Variants in CALN1 observed in about 807,000 individuals in gnomAD.
The protein encoded by CALN1 is calneuron 1.
A neutral mutation model predicts 30.6 loss-of-function variants in CALN1; 17 were observed. The ratio of observed to expected loss-of-function variants is 0.56; its 90% CI spans 0.38 to 0.83. CALN1 has a LOEUF of 0.83. CALN1 is among the 40% of genes least tolerant of loss of function. The probability of loss-of-function intolerance (pLI) is 0.00; values close to 1 mark genes in which losing one functional copy is unlikely to be tolerated. For missense variants in CALN1, 291 were observed against 354.9 expected (o/e 0.82, Z 1.45); for synonymous variants, 156 against 131.4 (o/e 1.19, Z -1.28).
At chr7:71,998,089 T>G (rs1343377423) in intron 5 of CALN1, among the ~76,000 whole-genome samples, 1 of 152,094 alleles carries the variant, frequency 6.6e-6, no homozygotes, top group Non-Finnish European at 1.5e-5. Context: ...CCTCCCAAAG[T>G]GCTGGGATTA....
chr7:72,323,739 C>A lies in CALN1; in HGVS notation c.120-44929G>T, dbSNP rs1329050256. 2.0e-5 allele frequency among the ~76,000 whole-genome samples: 3 copies of A among 151,800 alleles called. No individual in the cohort carries two copies. In the South Asian group the frequency reaches 6.3e-4, roughly 32 times the overall value. ...AAAAAAGAGTTGCCTTCCCCAAACT[C>A]AACGATCATAATTTGCAGTTTAGGC... is the stretch of plus-strand genomic sequence containing the variant. On this transcript the variant is annotated intron_variant, in intron 2 of 6. Transcript: ENST00000395275.
intron 3 of CALN1, among the ~76,000 whole-genome samples, chr7:72,170,095 C>A (rs375744485): frequency 6.6e-6 from 1 of 152,182 alleles, no homozygotes; most frequent in African/African-American, 2.4e-5. Flanking sequence ...AACACCTAGG[C>A]TCAAGCAATC....
intron 4 of CALN1, among the ~76,000 whole-genome samples, chr7:72,052,460 G>A (rs149660502): frequency 6.6e-4 from 87 of 132,596 alleles, no homozygotes; most frequent in Non-Finnish European, 1.1e-3. Context: ...TCAGGCTTGG[G>A]GGTGATGGTC....
chr7:71,867,668 C>T (rs1397421109), intron 5 of CALN1, among the ~76,000 whole-genome samples: 4 of 152,122 alleles, frequency 2.6e-5, no homozygotes, highest in African/African-American at 7.2e-5. Context: ...CTTTCGACCT[C>T]GTGATCTGCC....
At chr7:72,385,062 A>G (rs775230814) in intron 2 of CALN1, among the ~76,000 whole-genome samples, 1 of 152,252 alleles carries the variant, frequency 6.6e-6, no homozygotes, top group Non-Finnish European at 1.5e-5. Flanking sequence ...AAGATGCTCA[A>G]CAGCGCTCGT....
chr7:71,994,048 C>T (rs182696366), intron 5 of CALN1, among the ~76,000 whole-genome samples: 1 of 151,922 alleles, frequency 6.6e-6, no homozygotes, highest in Non-Finnish European at 1.5e-5. Flanking sequence ...TTCAGATCTG[C>T]AAAGGCCTAG....
chr7:72,196,204 G>T (rs1790988136), intron 3 of CALN1, among the ~76,000 whole-genome samples: 1 of 151,842 alleles, frequency 6.6e-6, no homozygotes, highest in African/African-American at 2.4e-5. Flanking sequence ...TGTGACCTCT[G>T]CCTCGTGGAC....
At chr7:71,820,852 A>G (rs1171628012) in intron 5 of CALN1, among the ~76,000 whole-genome samples, 1 of 152,196 alleles carries the variant, frequency 6.6e-6, no homozygotes, top group Non-Finnish European at 1.5e-5. Context: ...TTGAAGTTAC[A>G]GATTCTGAGA....
chr7:71,812,931 T>TCA lies in CALN1; in HGVS notation c.502-2440_502-2439insTG, dbSNP rs1788046370. 2.1e-3 allele frequency among the ~76,000 whole-genome samples: 103 copies of TCA among 49,186 alleles called. 1 individual carries two copies. Among genetic ancestry groups the TCA allele is most frequent in the African/African-American group, 3.4e-3 (73 of 21,606 alleles). 32.3% of individuals were successfully genotyped at this position (49,186 alleles called of 152,430 possible). On this transcript the variant is annotated intron_variant, in intron 5 of 6. Transcript: ENST00000395275. ...GCTATTTTATTTATCATCATCATCATTATTATTATTATTATTATTATTATT... is the reference window on the plus strand; with the variant it reads ...GCTATTTTATTTATCATCATCATCATCATATTATTATTATTATTATTATTATT...
chr7:72,334,403 G>C (rs757898191), intron 2 of CALN1, among the ~76,000 whole-genome samples: 2 of 152,106 alleles, frequency 1.3e-5, no homozygotes, highest in Non-Finnish European at 2.9e-5. Context: ...CTATGAAAAA[G>C]AAATTTCTAA....
chr7:72,147,159 A>G (rs1187432439), intron 3 of CALN1, among the ~76,000 whole-genome samples: 4 of 152,224 alleles, frequency 2.6e-5, no homozygotes, highest in African/African-American at 9.6e-5. Context: ...AGCAAAAGAA[A>G]CTACCATCAG....
intron 2 of CALN1, among the ~76,000 whole-genome samples, chr7:72,396,422 CA>C (rs56030535): frequency 3.1e-3 from 348 of 113,760 alleles, no homozygotes; most frequent in Middle Eastern, 0.018. Flanking sequence ...GACTCTGTCT[CA>C]AAAAAAAAAA....
chr7:72,287,502 A>C (rs1798167402), intron 2 of CALN1, among the ~76,000 whole-genome samples: 1 of 123,476 alleles, frequency 8.1e-6, no homozygotes, highest in Non-Finnish European at 1.6e-5. Context: ...GCTGGAGTGC[A>C]GTGGCGCAAT....
In CALN1 at chr7:71,801,424, G is replaced by GTATCTATCTATCTATC. The variant is rs1302790129; in HGVS notation, c.658+8911_658+8912insGATAGATAGATAGATA. On this transcript the variant is annotated intron_variant, in intron 6 of 6. Coordinates refer to ENST00000395275, the MANE Select transcript of CALN1 (RefSeq NM_031468.4). ...TGTATGTATGTATGTATGTATGTAT[G>GTATCTATCTATCTATC]TATGTATCTATCTATCTATCTATCT... 8.3e-3 allele frequency among the ~76,000 whole-genome samples: 846 copies of GTATCTATCTATCTATC among 102,458 alleles called. 4 individuals carry two copies. Among genetic ancestry groups the GTATCTATCTATCTATC allele is most frequent in the Non-Finnish European group, 8.8e-3 (435 of 49,520 alleles). 67.2% of individuals were successfully genotyped at this position (102,458 alleles called of 152,430 possible).
chr7:72,353,712 C>G (rs1803067381), intron 2 of CALN1, among the ~76,000 whole-genome samples: 1 of 151,830 alleles, frequency 6.6e-6, no homozygotes, highest in South Asian at 2.1e-4. Context: ...TGAAATAAGT[C>G]AATAAAAAGA....
At chr7:72,332,381 G>T (rs10257621) in intron 2 of CALN1, among the ~76,000 whole-genome samples, 149,544 of 152,018 alleles carry the variant, frequency 0.98, 73,597 homozygotes, top group Middle Eastern at 1. Context: ...GGGTGATAAC[G>T]TCTCGGTGTT....
Position 71,870,562 on chromosome 7 carries a change from C to G in CALN1, c.502-60070G>C, listed in dbSNP as rs1399014532. Among the ~76,000 whole-genome samples the G allele has an allele frequency of 2.6e-5, 4 of 152,142 alleles. No individual in the cohort carries two copies. The East Asian group carries it at 7.7e-4, about 29-fold the overall frequency. On this transcript the variant is annotated intron_variant, in intron 5 of 6. Coordinates refer to ENST00000395275, the MANE Select transcript of CALN1 (RefSeq NM_031468.4). ...ATAATATATTACAATTAGTGGCTGT[C>G]TTTGAATAGTAGAATTGTTTTTTTC...
At chr7:72,106,651 G>A (rs1285957458) in intron 3 of CALN1, among the ~76,000 whole-genome samples, 1 of 125,110 alleles carries the variant, frequency 8.0e-6, no homozygotes, top group Non-Finnish European at 1.7e-5. Context: ...GAGGGAGGGG[G>A]AAAAGGGAAG....
chr7:72,262,694 T>C (rs1045704729), intron 3 of CALN1, among the ~76,000 whole-genome samples: 20 of 152,346 alleles, frequency 1.3e-4, no homozygotes, highest in African/African-American at 4.8e-4. Context: ...TCACTTTTTA[T>C]GGCTGCACAG....
Sources: allele counts gnomAD v4.1 joint callset (sites outside exome capture counted in the v4.1 genomes callset), GRCh38; gene constraint gnomAD v4.1.1; transcripts MANE v1.5; gene names NCBI Gene and HGNC (gene_info 2026-07-23, HGNC 2026-07-21).